NIBAN1: variants seen among roughly 807,000 people sequenced by gnomAD.
NIBAN1 encodes the protein niban apoptosis regulator 1, also known as protein Niban 1.
Under a neutral mutation model 75.1 loss-of-function variants are expected in NIBAN1, and 81 were observed. That is an observed-to-expected ratio of 1.08 (90% confidence interval 0.90 to 1.30). NIBAN1 has a LOEUF of 1.30. Ranked by LOEUF, NIBAN1 falls within the 50% of genes most tolerant of loss-of-function variation. The pLI, the probability that NIBAN1 is intolerant of heterozygous loss-of-function variation, is 0.00. For missense variants in NIBAN1, 1,133 were observed against 1,128.1 expected (o/e 1.00, Z -0.06); for synonymous variants, 436 against 424.8 (o/e 1.03, Z -0.32).
chr1:184,828,499 T>C (rs1247275223), intron 6 of NIBAN1, among the ~76,000 whole-genome samples: 2 of 152,252 alleles, frequency 1.3e-5, no homozygotes, highest in East Asian at 3.8e-4. Context: ...GGCCTCTTTT[T>C]TCTATGAGTC....
chr1:184,828,371 G>C (rs1309032734), intron 6 of NIBAN1, among the ~76,000 whole-genome samples: 1 of 152,140 alleles, frequency 6.6e-6, no homozygotes, highest in Non-Finnish European at 1.5e-5. Context: ...TAAGGTCTTA[G>C]CAGACAGGAA....
intron 1 of NIBAN1, among the ~76,000 whole-genome samples, chr1:184,969,176 A>C (rs1169560134): frequency 1.3e-5 from 2 of 152,214 alleles, no homozygotes; most frequent in Non-Finnish European, 2.9e-5. Context: ...TCTATCATTA[A>C]ACATAATGGG....
intron 5 of NIBAN1, among the ~76,000 whole-genome samples, chr1:184,878,043 T>C (rs940660082): frequency 2.0e-5 from 3 of 152,196 alleles, no homozygotes; most frequent in Non-Finnish European, 4.4e-5. Flanking sequence ...ATTTGGTTCA[T>C]TGGAACTGAG....
chr1:184,939,684 G>T (rs74769484), intron 1 of NIBAN1, among the ~76,000 whole-genome samples: 49 of 152,266 alleles, frequency 3.2e-4, no homozygotes, highest in African/African-American at 1.2e-3. Context: ...ACTTTCCTGT[G>T]CTTTGCTTTC....
intron 1 of NIBAN1, among the ~76,000 whole-genome samples, chr1:184,904,439 C>T (rs747924723): frequency 6.6e-6 from 1 of 152,172 alleles, no homozygotes; most frequent in Non-Finnish European, 1.5e-5. Context: ...CTTCAGTTCA[C>T]CTTTGTAAAA....
rs1656465861 is a variant in NIBAN1 at position 184,884,654 on chromosome 1, A to G, written c.580T>C (p.Cys194Arg). Residue 194 changes from cysteine (C) to arginine (R), a missense_variant, in exon 5 of 14, where the codon TGC becomes CGC. Transcript: ENST00000367511. ...QKRFSALLSD[C>R]VRHLNHDYMK... ...ATACCATGATTGAGATGCCTGACGCAGTCACTCAGGAGGGCACTAAACCTC... is the reference window on the plus strand; with the variant it reads ...ATACCATGATTGAGATGCCTGACGCGGTCACTCAGGAGGGCACTAAACCTC... The G allele has an allele frequency of 3.7e-6, 6 of 1,614,136 alleles. No homozygotes were observed. The highest frequency in any genetic ancestry group is 1.3e-5 in the African/African-American group (1 of 75,062).
chr1:184,818,902 G>T (rs1030511445), intron 8 of NIBAN1, 77 bp from the exon 9 acceptor site: 3 of 1,477,556 alleles, frequency 2.0e-6, no homozygotes, highest in Non-Finnish European at 1.8e-6. Flanking sequence ...GACCAGAGCT[G>T]AATGGTGCCC....
intron 8 of NIBAN1, 109 bp from the exon 9 acceptor site, chr1:184,818,934 A>C: frequency 7.9e-7 from 1 of 1,267,144 alleles, no homozygotes; most frequent in Non-Finnish European, 1.1e-6. Context: ...TTAACAGCCA[A>C]GGCAAGCTCA....
chr1:184,947,706 G>A (rs1012284960), intron 1 of NIBAN1, among the ~76,000 whole-genome samples: 5 of 152,240 alleles, frequency 3.3e-5, no homozygotes, highest in African/African-American at 1.2e-4. Context: ...CTAGGCAAGA[G>A]GAAGTGGCAG....
chr1:184,863,247 T>C (rs891108108), intron 5 of NIBAN1, among the ~76,000 whole-genome samples: 1 of 152,226 alleles, frequency 6.6e-6, no homozygotes, highest in African/African-American at 2.4e-5. Flanking sequence ...CTGGAACTAC[T>C]GATACCTTAT....
rs1375531761 is a variant in NIBAN1 at position 184,818,755 on chromosome 1, CT to C, written c.1055del (p.Glu352GlyfsTer7). 11 of 1,612,970 alleles carry C rather than the reference CT, an allele frequency of 6.8e-6. No individual in the cohort carries two copies. The highest frequency in any genetic ancestry group is 5.1e-6 in the Non-Finnish European group (6 of 1,179,126). On this transcript the variant is annotated frameshift_variant, in exon 9 of 14. Transcript: ENST00000367511. LOFTEE classifies it high-confidence loss of function. ...CCGAGCTCACTGGTCCCATGAGCTC[CT>C]CCAGGATGGATGCCAGGAATGGCTG... ...SVQPFLASIL[E>X]ELMGPVSSGF...
chr1:184,871,040 T>C (rs1656093158), intron 5 of NIBAN1, among the ~76,000 whole-genome samples: 1 of 152,030 alleles, frequency 6.6e-6, no homozygotes, highest in Admixed American at 6.6e-5. Context: ...ATGACTGGTG[T>C]CCTTATAAAA....
At chr1:184,800,082 T>C (rs1418605135) in intron 12 of NIBAN1, among the ~76,000 whole-genome samples, 1 of 134,676 alleles carries the variant, frequency 7.4e-6, no homozygotes, top group Non-Finnish European at 1.5e-5. Context: ...TGGTATCTCA[T>C]TGTGGTTTTG....
intron 5 of NIBAN1, among the ~76,000 whole-genome samples, chr1:184,836,741 C>T (rs943602451): frequency 2.6e-5 from 4 of 152,186 alleles, no homozygotes; most frequent in South Asian, 2.1e-4. Context: ...AGAATGAGGG[C>T]CTGGATCTGA....
chr1:184,966,643 G>A (rs533971815), intron 1 of NIBAN1, among the ~76,000 whole-genome samples: 324 of 152,312 alleles, frequency 2.1e-3, no homozygotes, highest in South Asian at 3.7e-3. Context: ...TTGATGACTA[G>A]TGAAGCTCTT....
chr1:184,795,191 A>G lies in NIBAN1; in HGVS notation c.2573T>C (p.Val858Ala). ...SDPICLSESQ[V>A]SEEQEEMGGQ... ...TCCCATCTCTTCTTGTTCCTCAGAA[A>G]CCTGGCTCTCACTGAGGCAGATGGG... The change falls in exon 14 of 14, where the codon GTT becomes GCT. Residue 858 changes from valine (V) to alanine (A), a missense_variant. Coordinates refer to ENST00000367511, the MANE Select transcript of NIBAN1 (RefSeq NM_052966.4). 1 of 1,614,174 alleles carries G rather than the reference A, an allele frequency of 6.2e-7. No individual in the cohort carries two copies. Among genetic ancestry groups the G allele is most frequent in the South Asian group, 1.1e-5 (1 of 91,086 alleles).
At chr1:184,914,766 G>T (rs1260593688) in intron 1 of NIBAN1, among the ~76,000 whole-genome samples, 1 of 150,218 alleles carries the variant, frequency 6.7e-6, no homozygotes, top group Non-Finnish European at 1.5e-5. Context: ...TGTCACCCAG[G>T]CTGGAGTACA....
intron 1 of NIBAN1, among the ~76,000 whole-genome samples, chr1:184,931,289 C>T (rs983333602): frequency 8.5e-5 from 13 of 152,208 alleles, no homozygotes; most frequent in East Asian, 7.7e-4. Context: ...CGTGAGCCAC[C>T]GCACCCAGCC....
chr1:184,866,339 G>T (rs1259548577), intron 5 of NIBAN1, among the ~76,000 whole-genome samples: 1 of 152,094 alleles, frequency 6.6e-6, no homozygotes. Context: ...TTAACCTAAG[G>T]CCTTCAGAAA....
Sources: allele counts gnomAD v4.1 joint callset (sites outside exome capture counted in the v4.1 genomes callset), GRCh38; gene constraint gnomAD v4.1.1; transcripts MANE v1.5; gene names NCBI Gene and HGNC (gene_info 2026-07-23, HGNC 2026-07-21).